SCHIP1: variants seen among roughly 807,000 people sequenced by gnomAD.
SCHIP1 encodes schwannomin-interacting protein 1.
A neutral mutation model predicts 29.7 loss-of-function variants in SCHIP1; 8 were observed. The ratio of observed to expected loss-of-function variants is 0.27; its 90% CI spans 0.16 to 0.49. The LOEUF is 0.49. Ranked by LOEUF, SCHIP1 falls within the 20% of genes least tolerant of loss-of-function variation. The pLI is 0.99. For missense variants in SCHIP1, 193 were observed against 294.6 expected (o/e 0.66, Z 2.52); for synonymous variants, 76 against 94.9 (o/e 0.80, Z 1.16).
At chr3:159,349,014 C>T in the SCHIP1 span, among the ~76,000 whole-genome samples, 3 of 152,136 alleles carry the variant, frequency 2.0e-5, no homozygotes, top group Admixed American at 6.6e-5. Flanking sequence ...CATTATTCAT[C>T]TTGAATGAAA....
At chr3:159,802,326 C>T in the SCHIP1 span, among the ~76,000 whole-genome samples, 2,751 of 152,312 alleles carry the variant, frequency 0.018, 38 homozygotes, top group Non-Finnish European at 0.028. Context: ...TGCCAAGGCT[C>T]CTGATCTCCT....
chr3:159,431,170 C>A, the SCHIP1 span, among the ~76,000 whole-genome samples: 1 of 151,544 alleles, frequency 6.6e-6, no homozygotes, highest in Non-Finnish European at 1.5e-5. Flanking sequence ...AGAGGTGGAA[C>A]CACAAAGGAG....
In SCHIP1 at chr3:159,861,779, T is replaced by C. The variant is rs759729161; in HGVS notation, c.31-4384T>C. 2.2e-4 allele frequency among the ~76,000 whole-genome samples: 33 copies of C among 152,180 alleles called. No homozygotes were observed. Among genetic ancestry groups the C allele is most frequent in the Non-Finnish European group, 4.4e-4 (30 of 68,018 alleles). ...TATGAGGGTATTTCCCAAGGCTGTTTTAGGAGTGGACATGGTTCTGCCTGT... is the reference window on the plus strand; with the variant it reads ...TATGAGGGTATTTCCCAAGGCTGTTCTAGGAGTGGACATGGTTCTGCCTGT... On this transcript the variant is annotated intron_variant, in intron 1 of 6. Transcript: ENST00000445224. This position sits in a 1 kb window ranked among gnomAD's most constrained non-coding sequence, Gnocchi z 4.1.
At chr3:159,402,675 G>T in the SCHIP1 span, among the ~76,000 whole-genome samples, 1 of 152,064 alleles carries the variant, frequency 6.6e-6, no homozygotes, top group Non-Finnish European at 1.5e-5. Context: ...GCAAACTATT[G>T]CAAGGACAAA....
the SCHIP1 span, among the ~76,000 whole-genome samples, chr3:159,639,112 AGAGG>A: frequency 4.6e-5 from 7 of 152,134 alleles, no homozygotes; most frequent in Admixed American, 4.6e-4. Context: ...TATTTTTGTG[AGAGG>A]CAGTCAGTTT....
At chr3:159,488,826 C>G in the SCHIP1 span, among the ~76,000 whole-genome samples, 4 of 152,200 alleles carry the variant, frequency 2.6e-5, no homozygotes, top group African/African-American at 9.6e-5. Context: ...GTTCTGGCAT[C>G]TGCTTCAGAT....
the SCHIP1 span, among the ~76,000 whole-genome samples, chr3:159,278,902 G>GAACCC: frequency 6.6e-6 from 1 of 152,138 alleles, no homozygotes; most frequent in Non-Finnish European, 1.5e-5. Flanking sequence ...GTCATTCAGA[G>GAACCC]AACCCAGGAT....
the SCHIP1 span, among the ~76,000 whole-genome samples, chr3:159,620,854 C>CT: frequency 5.9e-5 from 9 of 152,254 alleles, no homozygotes; most frequent in African/African-American, 2.2e-4. Context: ...TAGCTTCAGG[C>CT]TTTTTTTAAA....
the SCHIP1 span, among the ~76,000 whole-genome samples, chr3:159,551,039 A>T: frequency 1.3e-5 from 2 of 152,190 alleles, no homozygotes; most frequent in Non-Finnish European, 2.9e-5. Flanking sequence ...TACACCAAGG[A>T]TATTAACGTG....
chr3:159,755,947 TG>T, the SCHIP1 span, among the ~76,000 whole-genome samples: 2 of 152,272 alleles, frequency 1.3e-5, no homozygotes, highest in African/African-American at 4.8e-5. Context: ...CCCATGGTCC[TG>T]GGCAGCTCTG....
chr3:159,654,647 T>C, the SCHIP1 span, among the ~76,000 whole-genome samples: 1 of 151,896 alleles, frequency 6.6e-6, no homozygotes, highest in Non-Finnish European at 1.5e-5. Flanking sequence ...GTGTTGAGTG[T>C]ATGTGAGCTC....
chr3:159,284,273 A>G, the SCHIP1 span, among the ~76,000 whole-genome samples: 1 of 152,292 alleles, frequency 6.6e-6, no homozygotes, highest in East Asian at 1.9e-4. Context: ...TCTGCTACTT[A>G]CTTTCCAAGA....
chr3:159,704,417 TAAAAAAAAAA>T, the SCHIP1 span, among the ~76,000 whole-genome samples: 91 of 92,644 alleles, frequency 9.8e-4, 1 homozygote, highest in Non-Finnish European at 1.6e-3. Flanking sequence ...CAATTTTTTC[TAAAAAAAAAA>T]AAAAAAAAAA....
the SCHIP1 span, among the ~76,000 whole-genome samples, chr3:159,343,098 C>T: frequency 4.6e-3 from 701 of 152,144 alleles, 9 homozygotes; most frequent in African/African-American, 0.016. Context: ...CCTCATAATA[C>T]GCTATGAAAT....
the SCHIP1 span, among the ~76,000 whole-genome samples, chr3:159,763,115 A>G: frequency 3.9e-5 from 6 of 152,110 alleles, no homozygotes; most frequent in Non-Finnish European, 7.4e-5. Context: ...AACGTGAGCT[A>G]AAGCAACAGG....
chr3:159,854,658 G>C (rs1055983424), intron 1 of SCHIP1, among the ~76,000 whole-genome samples: 1 of 152,190 alleles, frequency 6.6e-6, no homozygotes, highest in Non-Finnish European at 1.5e-5. Flanking sequence ...ACACTCTGCC[G>C]TAAGAGTCAG....
At chr3:159,415,685 A>G in the SCHIP1 span, among the ~76,000 whole-genome samples, 44 of 152,238 alleles carry the variant, frequency 2.9e-4, no homozygotes, top group African/African-American at 1.0e-3. Context: ...TCTTTACTCA[A>G]TCTGTCACTG....
intron 1 of SCHIP1, among the ~76,000 whole-genome samples, chr3:159,858,291 AT>A (rs1713628446): frequency 1.3e-5 from 2 of 152,190 alleles, no homozygotes; most frequent in Admixed American, 1.3e-4. Context: ...GGGGAGGACA[AT>A]CATTTAGTTT....
chr3:159,642,715 C>A, the SCHIP1 span, among the ~76,000 whole-genome samples: 1 of 152,032 alleles, frequency 6.6e-6, no homozygotes, highest in African/African-American at 2.4e-5. Flanking sequence ...GACAGAGCTC[C>A]ACATGCTCAT....
Sources: allele counts gnomAD v4.1 joint callset (sites outside exome capture counted in the v4.1 genomes callset), GRCh38; gene constraint gnomAD v4.1.1; non-coding constraint Gnocchi (gnomAD v3.1); transcripts MANE v1.5; gene names NCBI Gene and HGNC (gene_info 2026-07-23, HGNC 2026-07-21).